The following MAP4K3 variants were observed in gnomAD, a reference collection of about 807,000 sequenced individuals.
MAP4K3 encodes the protein MAPK/ERK kinase kinase kinase 3.
Under a neutral mutation model 143.5 loss-of-function variants are expected in MAP4K3, and 94 were observed. That is an observed-to-expected ratio of 0.65 (90% confidence interval 0.55 to 0.78). The LOEUF (loss-of-function observed/expected upper bound fraction) is 0.78, where lower values mean the gene tolerates loss of function less well. Ranked by LOEUF, MAP4K3 falls within the 30% of genes least tolerant of loss-of-function variation. MAP4K3 has a pLI of 0.00. For synonymous variants in MAP4K3, 416 were observed against 347.2 expected (o/e 1.20, Z -2.20); for missense variants, 1,077 against 1,068.1 (o/e 1.01, Z -0.12).
At chr2:39,276,634 G>A (rs1473006374) in intron 24 of MAP4K3, among the ~76,000 whole-genome samples, 2 of 152,214 alleles carry the variant, frequency 1.3e-5, no homozygotes, top group Non-Finnish European at 2.9e-5. Context: ...GTCTACCTGT[G>A]AGAGATTTCA....
At chr2:39,339,621 G>A (rs547541679) in intron 4 of MAP4K3, among the ~76,000 whole-genome samples, 18 of 152,234 alleles carry the variant, frequency 1.2e-4, no homozygotes, top group African/African-American at 3.9e-4. Flanking sequence ...CATAAAACCA[G>A]AAGTCTCAGA....
At chr2:39,434,683 T>C (rs112540570) in intron 1 of MAP4K3, among the ~76,000 whole-genome samples, 5,953 of 152,324 alleles carry the variant, frequency 0.039, 152 homozygotes, top group South Asian at 0.053. Flanking sequence ...CAGTCCCTAA[T>C]TGGTTCAAAT....
intron 16 of MAP4K3, among the ~76,000 whole-genome samples, chr2:39,297,600 G>A (rs1275073621): frequency 6.6e-6 from 1 of 152,114 alleles, no homozygotes; most frequent in African/African-American, 2.4e-5. Context: ...TTCCTGCACG[G>A]TCTGGAATAG....
At chr2:39,328,607 T>G (rs1030968084) in intron 8 of MAP4K3, among the ~76,000 whole-genome samples, 2 of 152,252 alleles carry the variant, frequency 1.3e-5, no homozygotes, top group Middle Eastern at 3.4e-3. Flanking sequence ...AAAAGATTTT[T>G]TGGATAGTGT....
At chr2:39,254,602 C>T (rs990102940) in intron 31 of MAP4K3, 82 bp from the exon 32 acceptor site, 11 of 961,954 alleles carry the variant, frequency 1.1e-5, no homozygotes, top group Admixed American at 2.0e-5. Flanking sequence ...CTATCTCATA[C>T]AGCAATATTT....
intron 3 of MAP4K3, among the ~76,000 whole-genome samples, chr2:39,347,977 C>T (rs917644694): frequency 6.6e-6 from 1 of 151,884 alleles, no homozygotes; most frequent in African/African-American, 2.4e-5. Context: ...ATCTCTGATA[C>T]CTCTTCTGTT....
chr2:39,362,415 T>C (rs1665796193), intron 2 of MAP4K3, among the ~76,000 whole-genome samples: 1 of 152,138 alleles, frequency 6.6e-6, no homozygotes, highest in African/African-American at 2.4e-5. Flanking sequence ...GTCAAATGCA[T>C]TTATATACAC....
chr2:39,319,107 C>A (rs1180579265), intron 12 of MAP4K3, among the ~76,000 whole-genome samples: 1 of 152,008 alleles, frequency 6.6e-6, no homozygotes, highest in Non-Finnish European at 1.5e-5. Context: ...ATTATCTGGC[C>A]CAAAATGTCA....
intron 3 of MAP4K3, among the ~76,000 whole-genome samples, chr2:39,344,073 G>T (rs1369461661): frequency 6.6e-6 from 1 of 152,048 alleles, no homozygotes; most frequent in Non-Finnish European, 1.5e-5. Context: ...ACCATTCATG[G>T]TACAGAGATG....
intron 12 of MAP4K3, among the ~76,000 whole-genome samples, chr2:39,317,739 G>A (rs1398326735): frequency 6.6e-6 from 1 of 151,970 alleles, no homozygotes; most frequent in Non-Finnish European, 1.5e-5. Flanking sequence ...GGTTATTATT[G>A]AAAAGTCAAA....
intron 12 of MAP4K3, among the ~76,000 whole-genome samples, chr2:39,319,128 G>C (rs1419090081): frequency 6.6e-6 from 1 of 152,100 alleles, no homozygotes; most frequent in African/African-American, 2.4e-5. Flanking sequence ...ACAGTGCTCA[G>C]ATTGAGAACT....
intron 1 of MAP4K3, among the ~76,000 whole-genome samples, chr2:39,424,867 C>T (rs1175566510): frequency 6.9e-6 from 1 of 145,422 alleles, no homozygotes; most frequent in Non-Finnish European, 1.5e-5. Context: ...TACCTACAAG[C>T]ACAAGAGGAT....
chr2:39,361,675 ATTAT>A (rs1665774852), intron 2 of MAP4K3, among the ~76,000 whole-genome samples: 1 of 151,456 alleles, frequency 6.6e-6, no homozygotes, highest in Non-Finnish European at 1.5e-5. Context: ...CTTTAAAATG[ATTAT>A]TTAAACATTA....
intron 14 of MAP4K3, 115 bp downstream of exon 14, chr2:39,309,346 C>A: frequency 1.4e-6 from 1 of 737,922 alleles, no homozygotes; most frequent in South Asian, 1.9e-5. Flanking sequence ...GCTGGGACCT[C>A]GAATGTTTTT....
intron 3 of MAP4K3, among the ~76,000 whole-genome samples, chr2:39,348,054 C>T (rs936641324): frequency 6.6e-6 from 1 of 152,120 alleles, no homozygotes; most frequent in Non-Finnish European, 1.5e-5. Flanking sequence ...ATATAATTTA[C>T]ATAAATCTAA....
intron 3 of MAP4K3, among the ~76,000 whole-genome samples, chr2:39,346,660 C>T (rs1380029529): frequency 2.0e-5 from 3 of 152,140 alleles, no homozygotes; most frequent in Non-Finnish European, 4.4e-5. Flanking sequence ...AGCATCTGAA[C>T]GAACCTAAAT....
At chr2:39,284,686 A>C (rs1433667583) in intron 21 of MAP4K3, among the ~76,000 whole-genome samples, 1 of 151,580 alleles carries the variant, frequency 6.6e-6, no homozygotes, top group Admixed American at 6.6e-5. Context: ...TGTACTAAAA[A>C]TACAAAAAGT....
At chr2:39,379,786 T>C (rs1209547482) in intron 1 of MAP4K3, 3 of 168,824 alleles carry the variant, frequency 1.8e-5, no homozygotes, top group Non-Finnish European at 1.5e-5. Context: ...GATTCTACTA[T>C]GGAAGAGCAG....
rs192101123 is a variant in MAP4K3, at chr2:39,291,904, T to C, written c.1271+869A>G. Reference sequence around the variant, plus strand: ...AAAAGAAAGAAAGAAAAAATTGTAATATGATGAAGCACAAATGTCTCAGAT... The same window carrying C: ...AAAAGAAAGAAAGAAAAAATTGTAACATGATGAAGCACAAATGTCTCAGAT... On this transcript the variant is annotated intron_variant, in intron 18 of 33. Coordinates refer to ENST00000263881, the MANE Select transcript of MAP4K3 (RefSeq NM_003618.4). Among the ~76,000 whole-genome samples the C allele has an allele frequency of 8.5e-4, 129 of 152,126 alleles. 5 individuals carry two copies. In the South Asian group the frequency reaches 0.016, roughly 18 times the overall value.
Sources: gnomAD v4.1 joint callset for allele counts (sites outside exome capture counted in the v4.1 genomes callset) on GRCh38, gnomAD v4.1.1 for gene constraint, MANE v1.5 for transcripts, NCBI Gene and HGNC (gene_info 2026-07-23, HGNC 2026-07-21) for gene names.